SETD1A: variants seen among roughly 807,000 people sequenced by gnomAD.
SETD1A encodes the protein SET domain containing 1A, histone lysine methyltransferase, also known as histone-lysine N-methyltransferase SETD1A.
Under a neutral mutation model 149.9 loss-of-function variants are expected in SETD1A, and 29 were observed. The ratio of observed to expected loss-of-function variants is 0.19; its 90% confidence interval spans 0.14 to 0.26. The LOEUF (loss-of-function observed/expected upper bound fraction) is 0.26. Among genes scored for constraint, SETD1A ranks in the 10% least tolerant of loss-of-function variants. SETD1A has a pLI of 1.00. For synonymous variants in SETD1A, 1,141 were observed against 968.5 expected (o/e 1.18, Z -3.31); for missense variants, 2,109 against 2,353.1 (o/e 0.90, Z 2.15).
In SETD1A at chr16:30,983,490, A is replaced by T; in HGVS notation, c.4813-145A>T. 3 of 929,248 alleles carry T rather than the reference A, an allele frequency of 3.2e-6. No homozygotes were observed. The highest frequency in any genetic ancestry group is 4.9e-6 in the Non-Finnish European group (3 of 613,760). 57.6% of individuals were successfully genotyped at this position (929,248 alleles called of 1,614,324 possible). On this transcript the variant is annotated intron_variant, in intron 17 of 18. Transcript: ENST00000262519. This position sits in a 1 kb window ranked among gnomAD's most constrained non-coding sequence, Gnocchi z 6.8. ...GAGGGCTCCTGGAAGCAGAGTCGAG[A>T]GAGTCAGTGCCGGGTTAGCGGGAGC... is the stretch of plus-strand genomic sequence containing the variant.
intron 13 of SETD1A, among the ~76,000 whole-genome samples, chr16:30,971,998 G>A (rs1567358278): frequency 6.6e-6 from 1 of 152,214 alleles, no homozygotes; most frequent in Non-Finnish European, 1.5e-5. Flanking sequence ...GTGCCCAGTT[G>A]AATAAGTTCT....
At position 30,980,403 on chromosome 16, in the gene SETD1A, C is replaced by A; in HGVS notation, c.4409-82C>A. 6.6e-7 allele frequency: 1 copy of A among 1,522,708 alleles called. No individual in the cohort carries two copies. The highest frequency in any genetic ancestry group is 1.3e-5 in the South Asian group (1 of 79,638). 94.3% of individuals were successfully genotyped at this position (1,522,708 alleles called of 1,614,324 possible). ...CCCCTGTCCCTCACCTGGGTATGCT[C>A]AGCGGCGTGGGCCCCGCCCTCTCCT... On this transcript the variant is annotated intron_variant, in intron 14 of 18. Transcript: ENST00000262519. The surrounding 1 kb of genome is among the most constrained non-coding windows in gnomAD (Gnocchi z 7.7).
chr16:30,983,924 C>T lies in SETD1A; in HGVS notation c.5025C>T (p.Gly1675=), dbSNP rs750289293. ...TGATCTACTCCAAGCAGCCCATTGGCGTGGACGAGGAGATCACCTACGACT... is the reference window on the plus strand; with the variant it reads ...TGATCTACTCCAAGCAGCCCATTGGTGTGGACGAGGAGATCACCTACGACT... ...KIVIYSKQPI[G]VDEEITYDYK... The change falls in exon 19 of 19, where the codon GGC becomes GGT. Residue 1675 remains glycine, a synonymous_variant. Coordinates refer to ENST00000262519, the MANE Select transcript of SETD1A (RefSeq NM_014712.3). This position sits in a 1 kb window ranked among gnomAD's most constrained non-coding sequence, Gnocchi z 6.8. 5.0e-5 allele frequency: 80 copies of T among 1,613,840 alleles called. 3 individuals carry two copies. In the South Asian group the frequency reaches 6.8e-4, roughly 14 times the overall value.
intron 9 of SETD1A, 31 bp downstream of exon 9, chr16:30,967,091 G>A (rs1423829660): frequency 9.9e-6 from 15 of 1,513,524 alleles, no homozygotes; most frequent in African/African-American, 1.4e-5. Context: ...GTGGGGTAGG[G>A]TGGGGAGAGG....
chr16:30,978,076 C>T (rs1173160729), intron 13 of SETD1A, among the ~76,000 whole-genome samples: 1 of 151,568 alleles, frequency 6.6e-6, no homozygotes, highest in African/African-American at 2.4e-5. Context: ...GAGATCGAGA[C>T]CATCCTGGCC....
chr16:30,979,152 G>A lies in SETD1A; in HGVS notation c.3366G>A (p.Thr1122=), dbSNP rs367918838. 482 of 1,566,240 alleles carry A rather than the reference G, an allele frequency of 3.1e-4. No homozygotes were observed. Among genetic ancestry groups the A allele is most frequent in the Non-Finnish European group, 4.0e-4 (468 of 1,156,292 alleles). The change falls in exon 14 of 19, where the codon ACG becomes ACA. Residue 1122 remains threonine (T), a synonymous_variant. Transcript: ENST00000262519. ...TATGTGCTTCCTTCCCAGGCCCCAC[G>A]GAGGAGTCACCCCCCAGTGCGCCTC... ...EASPARPAGP[T]EESPPSAPLR...
At chr16:30,958,912 G>T (rs1411732476) in intron 2 of SETD1A, 31 bp downstream of exon 2, 2 of 1,612,280 alleles carry the variant, frequency 1.2e-6, no homozygotes, top group South Asian at 1.1e-5. Context: ...TTGCCATCCG[G>T]GGAGCTCCAG....
At chr16:30,959,286 T>A (rs541265451) in intron 3 of SETD1A, 100 bp downstream of exon 3, 13 of 826,552 alleles carry the variant, frequency 1.6e-5, no homozygotes, top group Non-Finnish European at 2.5e-5. Flanking sequence ...TGAAAGGATC[T>A]CAGCCAGATC....
Position 30,964,827 on chromosome 16 carries a change from C to T in SETD1A, c.1085C>T (p.Ser362Phe). The T allele has an allele frequency of 6.2e-7, 1 of 1,614,190 alleles. No individual in the cohort carries two copies. The highest frequency in any genetic ancestry group is 8.5e-7 in the Non-Finnish European group (1 of 1,180,028). Residue 362 changes from serine (S) to phenylalanine (F), a missense_variant, in exon 7 of 19, where the codon TCT becomes TTT. Around this residue, in one of 8 missense-constraint regions of SETD1A, gnomAD observed 410 missense variants for 394.8 expected, o/e 1.04. Transcript: ENST00000262519. Reference protein sequence around the residue: ...SSSSSSQFRSSDANYPAYYES... With the variant: ...SSSSSSQFRSFDANYPAYYES... ...TCCTCGTCCTCTCAGTTTCGTAGTT[C>T]TGATGCAAACTACCCAGCGTATTAT...
In SETD1A at chr16:30,979,734, GC is replaced by G; in HGVS notation, c.3953del (p.Pro1318ArgfsTer107). 1 of 1,598,946 alleles carries G rather than the reference GC, an allele frequency of 6.3e-7. No homozygotes were observed. ...CCACGCCCCCTGCGCCAGCCCTGCG[GC>G]CCCCGGAGCCAGTGCCCGCACCCGC... ...KPTPPAPALR[P>X]PEPVPAPAAL... On this transcript the variant is annotated frameshift_variant, in exon 14 of 19. Coordinates refer to ENST00000262519, the MANE Select transcript of SETD1A (RefSeq NM_014712.3). LOFTEE classifies it high-confidence loss of function.
Position 30,979,991 on chromosome 16 carries a change from G to GCCCCA in SETD1A, c.4208_4209insCACCC (p.Pro1404ThrfsTer23). 8.6e-6 allele frequency: 11 copies of GCCCCA among 1,279,652 alleles called. No homozygotes were observed. Among genetic ancestry groups the GCCCCA allele is most frequent in the African/African-American group, 1.6e-5 (1 of 63,250 alleles). 79.3% of individuals were successfully genotyped at this position (1,279,652 alleles called of 1,614,324 possible). ...CTCCGCTCCCACGCCCGGCGCCGCC[G>GCCCCA]CCCTCCGCCCCCACCCCCGCCGCCA... On this transcript the variant is annotated frameshift_variant, in exon 14 of 19. Coordinates refer to ENST00000262519, the MANE Select transcript of SETD1A (RefSeq NM_014712.3). LOFTEE classifies it high-confidence loss of function.
chr16:30,973,757 C>T (rs1050164828), intron 13 of SETD1A, among the ~76,000 whole-genome samples: 1 of 152,106 alleles, frequency 6.6e-6, no homozygotes, highest in Non-Finnish European at 1.5e-5. Flanking sequence ...CACAGGAAGA[C>T]CTCCTCACCC....
chr16:30,967,419 G>T (rs1002886255), intron 9 of SETD1A, 82 bp from the exon 10 acceptor site: 3 of 1,286,780 alleles, frequency 2.3e-6, no homozygotes, highest in African/African-American at 1.5e-5. Flanking sequence ...CTCCCAAAGT[G>T]CTGGGATTAC....
chr16:30,969,794 C>A, intron 12 of SETD1A, 105 bp downstream of exon 12: 1 of 891,966 alleles, frequency 1.1e-6, no homozygotes, highest in Non-Finnish European at 1.9e-6. Flanking sequence ...GCTTGTGGGT[C>A]ACCTTTGCCT....
chr16:30,967,220 C>T (rs537238162), intron 9 of SETD1A, among the ~76,000 whole-genome samples, 160 bp downstream of exon 9: 3 of 152,146 alleles, frequency 2.0e-5, no homozygotes, highest in Non-Finnish European at 4.4e-5. Context: ...GTGGCCTGAT[C>T]TCAGCTCACT....
chr16:30,984,196 CCT>C lies in SETD1A; in HGVS notation c.*177_*178del. On this transcript the variant is annotated 3_prime_UTR_variant, in exon 19 of 19. Transcript: ENST00000262519. Reference sequence around the variant, plus strand: ...CCTCAGTCCCTGGAGGCAGCTTCTGCCTCTCCTGTCACCCCTGCCCACCACCC... The same window carrying C: ...CCTCAGTCCCTGGAGGCAGCTTCTGCCTCCTGTCACCCCTGCCCACCACCC... The C allele has an allele frequency of 1.7e-6, 1 of 596,014 alleles. No homozygotes were observed. The highest frequency in any genetic ancestry group is 3.0e-6 in the Non-Finnish European group (1 of 337,536). 36.9% of individuals were successfully genotyped at this position (596,014 alleles called of 1,614,324 possible). A position where few individuals can be genotyped will look rare whatever the true frequency, so the allele number is the denominator to read the frequency against.
chr16:30,979,721 C>CGCCAGCCCTGCGGCCCCCGGA lies in SETD1A; in HGVS notation c.3941_3961dup (p.Ala1314_Pro1320dup). On this transcript the variant is annotated inframe_insertion, in exon 14 of 19. Transcript: ENST00000262519. ...CTGGCCGTCAAGCCCACGCCCCCTG[C>CGCCAGCCCTGCGGCCCCCGGA]GCCAGCCCTGCGGCCCCCGGAGCCA... 6.2e-7 allele frequency: 1 copy of CGCCAGCCCTGCGGCCCCCGGA among 1,600,750 alleles called. No individual in the cohort carries two copies. Among genetic ancestry groups the CGCCAGCCCTGCGGCCCCCGGA allele is most frequent in the African/African-American group, 1.3e-5 (1 of 74,938 alleles).
intron 13 of SETD1A, among the ~76,000 whole-genome samples, chr16:30,972,421 GGT>G (rs1176470456): frequency 1.0e-3 from 155 of 152,004 alleles, no homozygotes; most frequent in Admixed American, 1.8e-3. Flanking sequence ...TGGATCATGA[GGT>G]CAGGAGATCG....
intron 10 of SETD1A, 125 bp downstream of exon 10, chr16:30,967,713 T>G (rs1045312321): frequency 6.6e-6 from 5 of 755,444 alleles, no homozygotes; most frequent in African/African-American, 1.8e-5. Context: ...AGGGTTGAAA[T>G]GCAGCAGTTC....
Sources: allele counts gnomAD v4.1 joint callset (sites outside exome capture counted in the v4.1 genomes callset), GRCh38; gene constraint gnomAD v4.1.1; regional missense constraint gnomAD v4.1.1; non-coding constraint Gnocchi (gnomAD v3.1); transcripts MANE v1.5; gene names NCBI Gene and HGNC (gene_info 2026-07-23, HGNC 2026-07-21).